Variants in FBXO36 observed in about 807,000 individuals in gnomAD.
FBXO36 encodes F-box only protein 36.
FBXO36 carries 18 observed loss-of-function variants against 17.0 expected under a neutral mutation model. The ratio of observed to expected loss-of-function variants is 1.06; its 90% CI spans 0.73 to 1.57. The LOEUF (loss-of-function observed/expected upper bound fraction) is 1.57. Among genes scored for constraint, FBXO36 ranks in the 40% most tolerant of loss-of-function variants. The pLI is 0.00. For synonymous variants in FBXO36, 83 were observed against 85.3 expected, an observed-to-expected ratio of 0.97 and a Z score of 0.15; for missense variants, 229 against 221.9, an observed-to-expected ratio of 1.03 and a Z score of -0.20.
At chr2:229,956,329 C>T (rs934494448) in intron 1 of FBXO36, among the ~76,000 whole-genome samples, 36 of 152,114 alleles carry the variant, frequency 2.4e-4, no homozygotes, top group African/African-American at 8.2e-4. Context: ...TACACATTGT[C>T]GGGGCAAAGG....
At chr2:229,951,582 T>C (rs1560437953) in intron 1 of FBXO36, among the ~76,000 whole-genome samples, 2 of 152,210 alleles carry the variant, frequency 1.3e-5, no homozygotes, top group Admixed American at 6.5e-5. Flanking sequence ...CAGAAAGGAC[T>C]TCCTTATGAT....
intron 1 of FBXO36, among the ~76,000 whole-genome samples, chr2:229,934,474 G>A (rs908409094): frequency 3.3e-5 from 5 of 152,102 alleles, no homozygotes; most frequent in African/African-American, 1.2e-4. Flanking sequence ...GCAGAGTGGA[G>A]CTTTTCCTAC....
chr2:229,963,185 C>G (rs1380847004), intron 1 of FBXO36, among the ~76,000 whole-genome samples: 1 of 151,842 alleles, frequency 6.6e-6, no homozygotes, highest in Non-Finnish European at 1.5e-5. Flanking sequence ...TCTGCCTCAG[C>G]CTCCTGAGTA....
intron 1 of FBXO36, among the ~76,000 whole-genome samples, chr2:229,935,727 A>G (rs2076960504): frequency 6.6e-6 from 1 of 152,166 alleles, no homozygotes; most frequent in South Asian, 2.1e-4. Flanking sequence ...GTATCCTAAA[A>G]TCAGCAGCAA....
intron 1 of FBXO36, among the ~76,000 whole-genome samples, chr2:229,946,174 C>T (rs73103559): frequency 0.011 from 1,717 of 152,204 alleles, 31 homozygotes; most frequent in African/African-American, 0.039. Context: ...TTCCATGGGA[C>T]ATGTATGATC....
At chr2:229,985,976 G>A (rs1164941481) in intron 2 of FBXO36, among the ~76,000 whole-genome samples, 3 of 152,090 alleles carry the variant, frequency 2.0e-5, no homozygotes, top group Non-Finnish European at 4.4e-5. Flanking sequence ...TGAGCTAGGA[G>A]GTCAAAGCTG....
At chr2:229,969,732 T>A (rs1315540354) in intron 1 of FBXO36, among the ~76,000 whole-genome samples, 1 of 152,140 alleles carries the variant, frequency 6.6e-6, no homozygotes, top group Non-Finnish European at 1.5e-5. Flanking sequence ...TTGGACTTTG[T>A]CAAAATTAAA....
At chr2:229,993,500 G>C (rs1157126283) in intron 2 of FBXO36, among the ~76,000 whole-genome samples, 3 of 152,146 alleles carry the variant, frequency 2.0e-5, no homozygotes, top group African/African-American at 7.2e-5. Flanking sequence ...GAAATATGCG[G>C]GGGTGTAAGT....
intron 2 of FBXO36, among the ~76,000 whole-genome samples, chr2:229,978,653 T>A (rs958492353): frequency 7.9e-5 from 12 of 152,150 alleles, no homozygotes; most frequent in African/African-American, 2.9e-4. Flanking sequence ...ATTCTTATTA[T>A]AGTTAACAAT....
At chr2:230,004,055 T>C (rs6727194) in intron 3 of FBXO36, among the ~76,000 whole-genome samples, 151,210 of 152,384 alleles carry the variant, frequency 0.99, 75,030 homozygotes, top group Middle Eastern at 1. Flanking sequence ...ACGGGGCCCT[T>C]GCCCTGCCTC....
rs2154386326 is a variant in FBXO36, at chr2:229,922,602, G to A, written c.89G>A (p.Arg30Gln). ...SKDYYQLLVT[R>Q]SQVIFRWWKI... is the part of the protein sequence containing the mutation. ...GACTATTACCAGTTACTGGTCACCC[G>A]GTCTCAGGCAAGTGCGAGCCGCGGT... The change falls in exon 1 of 4, where the codon CGG (arginine) becomes CAG (glutamine). Residue 30 changes from arginine to glutamine, a missense_variant. Coordinates refer to ENST00000283946, the MANE Select transcript of FBXO36 (RefSeq NM_174899.5). 1.2e-6 allele frequency: 2 copies of A among 1,613,968 alleles called. No individual in the cohort carries two copies. Among genetic ancestry groups the A allele is most frequent in the Non-Finnish European group, 1.7e-6 (2 of 1,179,956 alleles).
intron 1 of FBXO36, among the ~76,000 whole-genome samples, chr2:229,930,430 T>C (rs1161065864): frequency 6.6e-6 from 1 of 152,122 alleles, no homozygotes; most frequent in Non-Finnish European, 1.5e-5. Context: ...TCTTTCACAG[T>C]CCCTTATTCT....
At chr2:229,994,027 C>T (rs2077312254) in intron 2 of FBXO36, among the ~76,000 whole-genome samples, 1 of 152,146 alleles carries the variant, frequency 6.6e-6, no homozygotes. Context: ...CCTCCTCAGA[C>T]TCCCAAAGTG....
intron 1 of FBXO36, among the ~76,000 whole-genome samples, chr2:229,936,340 C>T (rs999957530): frequency 6.6e-6 from 1 of 152,136 alleles, no homozygotes; most frequent in Admixed American, 6.5e-5. Context: ...GTGCAAAAAT[C>T]CTTGGCTAAT....
chr2:229,934,162 G>A (rs2106156207), intron 1 of FBXO36, among the ~76,000 whole-genome samples: 1 of 152,128 alleles, frequency 6.6e-6, no homozygotes, highest in East Asian at 1.9e-4. Flanking sequence ...AGCACTTTGG[G>A]AGGCTGAGGC....
chr2:229,938,222 T>C (rs1446185066), intron 1 of FBXO36, among the ~76,000 whole-genome samples: 4 of 138,454 alleles, frequency 2.9e-5, no homozygotes, highest in Non-Finnish European at 6.2e-5. Flanking sequence ...CTTTCTTTTT[T>C]TTTTTTTTTT....
chr2:229,933,674 C>A (rs2076950311), intron 1 of FBXO36, among the ~76,000 whole-genome samples: 1 of 152,094 alleles, frequency 6.6e-6, no homozygotes, highest in Non-Finnish European at 1.5e-5. Flanking sequence ...ATGGAAAATA[C>A]TGAGACCCCC....
At chr2:230,004,656 A>G (rs1466123423) in intron 3 of FBXO36, among the ~76,000 whole-genome samples, 2 of 152,142 alleles carry the variant, frequency 1.3e-5, no homozygotes, top group Admixed American at 1.3e-4. Flanking sequence ...AACATATTAT[A>G]TATTGTTCTC....
intron 1 of FBXO36, among the ~76,000 whole-genome samples, chr2:229,944,032 C>G (rs899079462): frequency 2.6e-5 from 4 of 152,132 alleles, no homozygotes; most frequent in Non-Finnish European, 4.4e-5. Flanking sequence ...CCACGTAAGA[C>G]GGGGCCAGCT....
Sources: allele counts gnomAD v4.1 joint callset (sites outside exome capture counted in the v4.1 genomes callset), GRCh38; gene constraint gnomAD v4.1.1; transcripts MANE v1.5; gene names NCBI Gene and HGNC (gene_info 2026-07-23, HGNC 2026-07-21).